Variants in KLHL20 observed in about 807,000 individuals in gnomAD.
The protein encoded by KLHL20 is kelch like family member 20, also known as kelch-like protein 20.
Under a neutral mutation model 69.5 loss-of-function variants are expected in KLHL20, and 29 were observed. That is an observed-to-expected ratio of 0.42 (90% CI 0.31 to 0.57). The LOEUF (loss-of-function observed/expected upper bound fraction) is 0.57. KLHL20 is among the 20% of genes least tolerant of loss of function. KLHL20 has a pLI of 0.18. For missense variants in KLHL20, 419 were observed against 776.0 expected, an observed-to-expected ratio of 0.54 and a Z score of 5.47; for synonymous variants, 253 against 265.2, an observed-to-expected ratio of 0.95 and a Z score of 0.45.
At chr1:173,782,812 GCTTT>G (rs1455149292) in intron 11 of KLHL20, among the ~76,000 whole-genome samples, 2 of 152,052 alleles carry the variant, frequency 1.3e-5, no homozygotes, top group African/African-American at 4.8e-5. Context: ...GTCTAATAAA[GCTTT>G]CTTAAGTAGT....
At chr1:173,744,486 T>C (rs987327719) in intron 3 of KLHL20, among the ~76,000 whole-genome samples, 1 of 152,106 alleles carries the variant, frequency 6.6e-6, no homozygotes, top group African/African-American at 2.4e-5. Flanking sequence ...AAGTTTTTGG[T>C]TTTTTTAAAG....
chr1:173,764,181 C>T (rs1378898759), intron 7 of KLHL20, among the ~76,000 whole-genome samples: 1 of 152,168 alleles, frequency 6.6e-6, no homozygotes, highest in Admixed American at 6.5e-5. Context: ...GCGATACCAC[C>T]TTACTCCTGC....
intron 2 of KLHL20, among the ~76,000 whole-genome samples, chr1:173,719,104 CAA>C (rs751845202): frequency 9.4e-6 from 1 of 106,176 alleles, no homozygotes. Flanking sequence ...GACTCCGTCT[CAA>C]AAAAAAAAAG....
At chr1:173,767,249 G>A (rs1030390638) in intron 8 of KLHL20, among the ~76,000 whole-genome samples, 2 of 152,106 alleles carry the variant, frequency 1.3e-5, no homozygotes, top group Non-Finnish European at 2.9e-5. Flanking sequence ...AGACTGAATA[G>A]TATTCTATTC....
At chr1:173,783,135 T>A (rs1648980272) in intron 11 of KLHL20, among the ~76,000 whole-genome samples, 1 of 152,228 alleles carries the variant, frequency 6.6e-6, no homozygotes. Context: ...TAAATACTAG[T>A]CTTCTAAGAA....
intron 10 of KLHL20, among the ~76,000 whole-genome samples, chr1:173,776,056 G>GT (rs1004781948): frequency 3.3e-5 from 5 of 152,278 alleles, no homozygotes; most frequent in African/African-American, 9.6e-5. Flanking sequence ...CACCAGCAGT[G>GT]TAGGAGGGTT....
At position 173,765,068 on chromosome 1, in the gene KLHL20, A is replaced by G. The variant is rs148570484; in HGVS notation, c.1152-1078A>G. Among the ~76,000 whole-genome samples, 39 of 152,332 alleles carry G rather than the reference A, an allele frequency of 2.6e-4. No individual in the cohort carries two copies. The East Asian group carries it at 7.3e-3, about 29-fold the overall frequency. The stretch of plus-strand genomic sequence containing the variant: ...TAATATAACTTATATGCATTTGGAA[A>G]TAAGGAAGATGCAAAATAAATGAAT... On this transcript the variant is annotated intron_variant, in intron 7 of 11. Coordinates refer to ENST00000209884, the MANE Select transcript of KLHL20 (RefSeq NM_014458.4).
At position 173,728,655 on chromosome 1, in the gene KLHL20, C is replaced by T. The variant is rs140803339; in HGVS notation, c.24-5058C>T. On this transcript the variant is annotated intron_variant, in intron 2 of 11. Coordinates refer to ENST00000209884, the MANE Select transcript of KLHL20 (RefSeq NM_014458.4). ...GCTCCTGAATGACTACTGAGCATAA[C>T]GAAATGTAGGCAGAAATAAAGATGT... 5.1e-4 allele frequency among the ~76,000 whole-genome samples: 78 copies of T among 152,220 alleles called. 1 individual carries two copies. The highest frequency in any genetic ancestry group is 7.6e-4 in the Non-Finnish European group (52 of 68,018).
At chr1:173,726,126 C>T (rs13376339) in intron 2 of KLHL20, among the ~76,000 whole-genome samples, 1,810 of 152,276 alleles carry the variant, frequency 0.012, 46 homozygotes, top group African/African-American at 0.042. Context: ...GAGGGTCCTA[C>T]GCCCACAGAG....
chr1:173,721,766 T>C (rs1339213301), intron 2 of KLHL20, among the ~76,000 whole-genome samples: 3 of 152,194 alleles, frequency 2.0e-5, no homozygotes, highest in African/African-American at 7.2e-5. Context: ...ATAGTGCCTA[T>C]TGGGACCCCT....
chr1:173,756,055 AC>A lies in KLHL20; in HGVS notation c.967+18del. 1 of 1,534,726 alleles carries A rather than the reference AC, an allele frequency of 6.5e-7. No homozygotes were observed. On this transcript the variant is annotated intron_variant, in intron 6 of 11. Transcript: ENST00000209884. ...TCTTTGCAGGTTTGGATCTTAATAT[AC>A]TGTTAGTAAATTGAGTATTTTCCCA...
chr1:173,730,768 T>C (rs568412843), intron 2 of KLHL20, among the ~76,000 whole-genome samples: 1 of 152,142 alleles, frequency 6.6e-6, no homozygotes, highest in Admixed American at 6.5e-5. Context: ...ATAAAAACCC[T>C]AGAAGAAAAC....
At chr1:173,753,148 A>G (rs1442021601) in intron 4 of KLHL20, 65 bp from the exon 5 acceptor site, 13 of 1,309,790 alleles carry the variant, frequency 9.9e-6, no homozygotes, top group African/African-American at 4.4e-5. Context: ...ACTCCAGCCT[A>G]GGCAACAGAG....
At chr1:173,779,496 G>A (rs1047874850) in intron 10 of KLHL20, among the ~76,000 whole-genome samples, 14 of 151,770 alleles carry the variant, frequency 9.2e-5, no homozygotes, top group African/African-American at 3.4e-4. Flanking sequence ...GAGTACAGGC[G>A]CGTGCCACCA....
chr1:173,764,928 A>G, intron 7 of KLHL20, among the ~76,000 whole-genome samples: 1 of 152,244 alleles, frequency 6.6e-6, no homozygotes, highest in East Asian at 1.9e-4. Flanking sequence ...AAAGAAGTGT[A>G]GAAATAGCTA....
chr1:173,723,719 A>G (rs554979215), intron 2 of KLHL20, among the ~76,000 whole-genome samples: 1 of 152,330 alleles, frequency 6.6e-6, no homozygotes, highest in Admixed American at 6.5e-5. Flanking sequence ...AGTGATCAGA[A>G]TGCTTGAGTC....
intron 3 of KLHL20, among the ~76,000 whole-genome samples, chr1:173,737,174 GT>G (rs1672575108): frequency 6.6e-6 from 1 of 152,208 alleles, no homozygotes; most frequent in Non-Finnish European, 1.5e-5. Flanking sequence ...CACTCCGTGG[GT>G]TGTCTATTTA....
intron 3 of KLHL20, among the ~76,000 whole-genome samples, chr1:173,748,820 T>C (rs1673184275): frequency 1.3e-5 from 2 of 152,208 alleles, no homozygotes; most frequent in African/African-American, 4.8e-5. Flanking sequence ...TTCTGTATCT[T>C]GATTGTGGTC....
At chr1:173,752,503 C>T (rs1204560698) in intron 4 of KLHL20, among the ~76,000 whole-genome samples, 1 of 152,158 alleles carries the variant, frequency 6.6e-6, no homozygotes, top group Non-Finnish European at 1.5e-5. Context: ...AGCAAGGATG[C>T]TTCTTTTCCT....
Sources: allele counts gnomAD v4.1 joint callset (sites outside exome capture counted in the v4.1 genomes callset), GRCh38; gene constraint gnomAD v4.1.1; transcripts MANE v1.5; gene names NCBI Gene and HGNC (gene_info 2026-07-23, HGNC 2026-07-21).